Variants in ZAN observed in about 807,000 individuals in gnomAD.
The protein encoded by ZAN is zonadhesin, also known as zonadhesin (gene/pseudogene).
ZAN carries 260 observed loss-of-function variants against 286.2 expected under a neutral mutation model. The observed-to-expected ratio is 0.91, with a 90% CI of 0.82 to 1.01. The LOEUF (loss-of-function observed/expected upper bound fraction) is 1.01, where lower values mean the gene tolerates loss of function less well. ZAN is among the 50% of genes least tolerant of loss of function. The probability of loss-of-function intolerance (pLI) is 0.00; values close to 1 mark genes in which losing one functional copy is unlikely to be tolerated. For synonymous variants in ZAN, 1,368 were observed against 1,417.5 expected (o/e 0.97, Z 0.79); for missense variants, 3,410 against 3,639.2 (o/e 0.94, Z 1.62).
intron 22 of ZAN, 74 bp from the exon 23 acceptor site, chr7:100,765,278 C>A: frequency 6.6e-7 from 1 of 1,508,836 alleles, no homozygotes. Flanking sequence ...CCCTTCCGAA[C>A]GTGTCCTTCC....
chr7:100,767,702 A>T, intron 25 of ZAN, 129 bp from the exon 26 acceptor site: 1 of 1,052,496 alleles, frequency 9.5e-7, no homozygotes, highest in Non-Finnish European at 1.3e-6. Flanking sequence ...TGATCTCGAG[A>T]TCCTGGGCTC....
At chr7:100,792,334 C>G (rs73411177) in intron 41 of ZAN, 71 bp from the exon 42 acceptor site, 4 of 1,527,680 alleles carry the variant, frequency 2.6e-6, no homozygotes, top group African/African-American at 1.4e-5. Flanking sequence ...GTTCCAGGCT[C>G]TCTTCTGCAG....
At position 100,734,510 on chromosome 7, in the gene ZAN, C is replaced by G. The variant is rs180682002; in HGVS notation, c.53+289C>G. Among the ~76,000 whole-genome samples, 513 of 138,288 alleles carry G rather than the reference C, an allele frequency of 3.7e-3. 72 individuals carry two copies. The highest frequency in any genetic ancestry group is 0.013 in the African/African-American group (488 of 37,968). The allele number at this position is 138,288 out of a possible 152,430, so 90.7% of individuals were successfully genotyped here. A position where few individuals can be genotyped will look rare whatever the true frequency, so the allele number is the denominator to read the frequency against. On this transcript the variant is annotated intron_variant, in intron 2 of 47. Transcript: ENST00000613979. ...GGTGTGCACCTGTAGTCCCAGCTAC[C>G]CAGGAGGCTGAGGCAGGAGAATCGC...
At chr7:100,753,976 A>T (rs1808973453) in intron 14 of ZAN, among the ~76,000 whole-genome samples, 2 of 150,880 alleles carry the variant, frequency 1.3e-5, no homozygotes, top group Admixed American at 1.3e-4. Context: ...GCCACTCCCC[A>T]CTCCGCCTTC....
chr7:100,776,327 AGGGAGGG>A, intron 33 of ZAN, 106 bp from the exon 34 acceptor site: 1 of 1,164,552 alleles, frequency 8.6e-7, no homozygotes, highest in Non-Finnish European at 1.1e-6. Flanking sequence ...GAAGGGAGGG[AGGGAGGG>A]AGGGAGGGAG....
intron 13 of ZAN, 67 bp from the exon 14 acceptor site, chr7:100,751,645 G>A: frequency 6.7e-7 from 1 of 1,499,680 alleles, no homozygotes; most frequent in East Asian, 2.3e-5. Context: ...ACTCCAGTTA[G>A]ATGGCAGTAA....
rs1554412977 is a variant in ZAN at position 100,792,994 on chromosome 7, A to AAAAAAAAG, written c.7787+518_7787+519insAAAAGAAA. On this transcript the variant is annotated intron_variant, in intron 42 of 47. Transcript: ENST00000613979. Reference sequence around the variant, plus strand: ...CAACATCCTATCTCAAAAAAAAAAAAAAAGAAAGAAAGAAAGAAAGAACGA... The same window carrying AAAAAAAAG: ...CAACATCCTATCTCAAAAAAAAAAAAAAAAAAAGAAAGAAAGAAAGAAAGAAAGAACGA... Among the ~76,000 whole-genome samples, 197 of 120,224 alleles carry AAAAAAAAG rather than the reference A, an allele frequency of 1.6e-3. 3 individuals are homozygous for AAAAAAAAG. Among genetic ancestry groups the AAAAAAAAG allele is most frequent in the African/African-American group, 5.4e-3 (180 of 33,048 alleles). The allele number at this position is 120,224 out of a possible 152,430, so 78.9% of individuals were successfully genotyped here.
intron 15 of ZAN, 85 bp from the exon 16 acceptor site, chr7:100,758,117 T>TG: frequency 2.4e-5 from 25 of 1,060,496 alleles, no homozygotes; most frequent in Non-Finnish European, 2.8e-5. Context: ...AATAAATAAA[T>TG]AAATAAATAA....
chr7:100,761,647 A>T (rs539442088), intron 19 of ZAN, among the ~76,000 whole-genome samples: 10 of 151,868 alleles, frequency 6.6e-5, no homozygotes, highest in South Asian at 2.1e-4. Flanking sequence ...AATAAATAAA[A>T]AAATAAATAA....
chr7:100,744,508 G>T (rs1220219842), intron 7 of ZAN, among the ~76,000 whole-genome samples: 6 of 151,204 alleles, frequency 4.0e-5, no homozygotes, highest in African/African-American at 1.5e-4. Flanking sequence ...TGAGGCAGGA[G>T]AATTGTTTGA....
At chr7:100,779,273 T>G (rs1584615836) in intron 34 of ZAN, among the ~76,000 whole-genome samples, 173 bp from the exon 35 acceptor site, 2 of 145,758 alleles carry the variant, frequency 1.4e-5, no homozygotes, top group South Asian at 4.4e-4. Context: ...GAAGGCTGAG[T>G]GAGACAGGAG....
chr7:100,749,362 T>C (rs367940035), intron 11 of ZAN, among the ~76,000 whole-genome samples: 225 of 150,664 alleles, frequency 1.5e-3, no homozygotes, highest in Middle Eastern at 6.9e-3. Context: ...AAAAAGAGGC[T>C]GGGCGCAGTG....
chr7:100,750,847 G>A lies in ZAN; in HGVS notation c.1472G>A (p.Trp491Ter), dbSNP rs768012246. The change falls in exon 12 of 48, where the codon TGG becomes TAG. Residue 491 changes from tryptophan to a stop codon, truncating the protein, a stop_gained. Transcript: ENST00000613979. LOFTEE classifies it high-confidence loss of function. The part of the protein sequence containing the change: ...WKRVGSQRPY[W>*]QNTSVTVPSG... ...CGCGTGGGGTCTCAGCGCCCTTACT[G>A]GCAGAACACCTCCGTCACCGTCCCC... 1 of 1,585,182 alleles carries A rather than the reference G, an allele frequency of 6.3e-7. No homozygotes were observed. Among genetic ancestry groups the A allele is most frequent in the South Asian group, 1.2e-5 (1 of 85,876 alleles).
chr7:100,768,515 A>T, intron 26 of ZAN, 95 bp from the exon 27 acceptor site: 1 of 1,015,884 alleles, frequency 9.8e-7, no homozygotes, highest in Non-Finnish European at 1.4e-6. Context: ...CTTGCTATGT[A>T]GAATGAAAAG....
intron 6 of ZAN, 99 bp downstream of exon 6, chr7:100,737,448 T>G: frequency 1.1e-6 from 1 of 874,982 alleles, no homozygotes; most frequent in South Asian, 1.8e-5. Context: ...GGCTCATGCC[T>G]GTAATCCCAG....
chr7:100,760,682 C>T (rs1008437615), intron 19 of ZAN, 146 bp downstream of exon 19: 2 of 1,301,328 alleles, frequency 1.5e-6, no homozygotes, highest in African/African-American at 1.5e-5. Flanking sequence ...ATGGGAAGCA[C>T]CCTGCTTAAG....
chr7:100,754,844 G>T (rs547844599), intron 14 of ZAN, among the ~76,000 whole-genome samples: 1 of 152,102 alleles, frequency 6.6e-6, no homozygotes, highest in Non-Finnish European at 1.5e-5. Context: ...GTTTCGCCCT[G>T]TTAGCCAGGC....
chr7:100,795,898 TC>T (rs1812329898), intron 45 of ZAN, among the ~76,000 whole-genome samples: 1 of 149,862 alleles, frequency 6.7e-6, no homozygotes, highest in Non-Finnish European at 1.5e-5. Flanking sequence ...AGAGCAAGAC[TC>T]CATCTAAAAA....
intron 20 of ZAN, among the ~76,000 whole-genome samples, chr7:100,762,972 GTTT>G (rs541919899): frequency 2.2e-5 from 3 of 134,854 alleles, no homozygotes; most frequent in Non-Finnish European, 3.2e-5. Context: ...CTCCCCAACG[GTTT>G]TTTTTTTTTT....
Sources: allele counts gnomAD v4.1 joint callset (sites outside exome capture counted in the v4.1 genomes callset), GRCh38; gene constraint gnomAD v4.1.1; transcripts MANE v1.5; gene names NCBI Gene and HGNC (gene_info 2026-07-23, HGNC 2026-07-21).